The following RNF115 variants were observed in gnomAD, a reference collection of about 807,000 sequenced individuals.
RNF115 encodes E3 ubiquitin-protein ligase RNF115.
A neutral mutation model predicts 39.2 loss-of-function variants in RNF115; 31 were observed. The ratio of observed to expected loss-of-function variants is 0.79; its 90% confidence interval spans 0.59 to 1.07. The LOEUF is 1.07. Among genes scored for constraint, RNF115 ranks in the 50% least tolerant of loss-of-function variants. The pLI is 0.00. For synonymous variants in RNF115, 124 were observed against 131.0 expected (o/e 0.95, Z 0.37); for missense variants, 384 against 381.7 (o/e 1.01, Z -0.05).
At chr1:145,822,300 A>G (rs587754669) in intron 1 of RNF115, among the ~76,000 whole-genome samples, 2 of 141,570 alleles carry the variant, frequency 1.4e-5, no homozygotes, top group East Asian at 4.2e-4. Context: ...TGGGTGATAG[A>G]CAGAGGCTGT....
At chr1:145,758,956 G>A (rs1349670945) in intron 4 of RNF115, among the ~76,000 whole-genome samples, 1 of 152,214 alleles carries the variant, frequency 6.6e-6, no homozygotes, top group Non-Finnish European at 1.5e-5. Context: ...AGGGAAGGAA[G>A]ATAGTGTATA....
chr1:145,756,278 T>C (rs1379862394), intron 4 of RNF115, among the ~76,000 whole-genome samples: 1 of 152,006 alleles, frequency 6.6e-6, no homozygotes, highest in Non-Finnish European at 1.5e-5. Flanking sequence ...CTGGCCAACA[T>C]GGAGAAACCT....
intron 2 of RNF115, among the ~76,000 whole-genome samples, chr1:145,784,889 T>C (rs1648308933): frequency 6.6e-6 from 1 of 152,180 alleles, no homozygotes; most frequent in African/African-American, 2.4e-5. Flanking sequence ...GGATTTGACC[T>C]ATCAAAAGAC....
chr1:145,784,212 A>G (rs1437594565), intron 3 of RNF115, among the ~76,000 whole-genome samples: 1 of 152,240 alleles, frequency 6.6e-6, no homozygotes, highest in Non-Finnish European at 1.5e-5. Flanking sequence ...AGTCTGCAAC[A>G]CTGTTATTTC....
intron 3 of RNF115, among the ~76,000 whole-genome samples, chr1:145,780,121 G>A (rs1177276302): frequency 5.3e-5 from 8 of 151,830 alleles, no homozygotes; most frequent in Admixed American, 4.6e-4. Context: ...CAAGCTACTC[G>A]GGAGGCTGAG....
chr1:145,747,691 C>A (rs1490703027), intron 8 of RNF115, among the ~76,000 whole-genome samples: 1 of 152,116 alleles, frequency 6.6e-6, no homozygotes, highest in Non-Finnish European at 1.5e-5. Context: ...GCTTTGCAGG[C>A]CACACCACAG....
chr1:145,771,745 TTCC>T lies in RNF115; in HGVS notation c.391_393del (p.Gly131del), dbSNP rs1559113542. 3 of 1,614,138 alleles carry T rather than the reference TTCC, an allele frequency of 1.9e-6. No individual in the cohort carries two copies. The highest frequency in any genetic ancestry group is 1.1e-5 in the South Asian group (1 of 91,078). On this transcript the variant is annotated inframe_deletion, in exon 4 of 9. Transcript: ENST00000582693. ...GCTGGAGATCTGTCAGGACGAGAAC[TTCC>T]TCGAGATCTGTATCTCCGACCCAAT...
At chr1:145,751,963 C>T (rs1414468134) in intron 5 of RNF115, among the ~76,000 whole-genome samples, 1 of 152,152 alleles carries the variant, frequency 6.6e-6, no homozygotes. Context: ...AGAGAAGCAG[C>T]CATAGCAGTC....
At chr1:145,779,967 C>T (rs587636281) in intron 3 of RNF115, among the ~76,000 whole-genome samples, 7 of 152,056 alleles carry the variant, frequency 4.6e-5, no homozygotes, top group African/African-American at 1.7e-4. Context: ...GTGACTCAAG[C>T]CCGTAATCCC....
In RNF115 at chr1:145,760,495, G is replaced by A. The variant is rs143644238; in HGVS notation, c.429-7446C>T. 1.2e-3 allele frequency among the ~76,000 whole-genome samples: 181 copies of A among 152,244 alleles called. 1 individual carries two copies. The highest frequency in any genetic ancestry group is 2.3e-3 in the Non-Finnish European group (155 of 68,032). On this transcript the variant is annotated intron_variant, in intron 4 of 8. Transcript: ENST00000582693. ...GGGAGGTAATTGAATCATGGAGGCC[G>A]ATCTTTCCCATGCTATTCTCATGAC...
Position 145,811,932 on chromosome 1 carries a change from T to TATATATATATAC in RNF115, c.102+11839_102+11840insGTATATATATAT, listed in dbSNP as rs1465945929. Among the ~76,000 whole-genome samples the TATATATATATAC allele has an allele frequency of 1.5e-3, 115 of 74,452 alleles. 2 individuals are homozygous for TATATATATATAC. Among genetic ancestry groups the TATATATATATAC allele is most frequent in the Non-Finnish European group, 2.7e-3 (92 of 34,526 alleles). 48.8% of individuals were successfully genotyped at this position (74,452 alleles called of 152,430 possible). On this transcript the variant is annotated intron_variant, in intron 1 of 8. Coordinates refer to ENST00000582693, the MANE Select transcript of RNF115 (RefSeq NM_014455.4). ...AAATATATATATATATATATATATATACACACACACACATATATGTAGAAA... is the reference window on the plus strand; with the variant it reads ...AAATATATATATATATATATATATATATATATATATACACACACACACACATATATGTAGAAA...
chr1:145,814,798 G>A (rs1649906570), intron 1 of RNF115, among the ~76,000 whole-genome samples: 1 of 151,998 alleles, frequency 6.6e-6, no homozygotes, highest in Non-Finnish European at 1.5e-5. Flanking sequence ...CTACCTATAA[G>A]AATACATATT....
chr1:145,781,964 G>A (rs1316201823), intron 3 of RNF115, among the ~76,000 whole-genome samples: 1 of 147,646 alleles, frequency 6.8e-6, no homozygotes, highest in African/African-American at 2.5e-5. Flanking sequence ...GTCCAGTGGT[G>A]CAATCTCCGC....
At chr1:145,771,966 A>G (rs371222100) in intron 3 of RNF115, 47 bp from the exon 4 acceptor site, 9 of 1,466,418 alleles carry the variant, frequency 6.1e-6, no homozygotes, top group East Asian at 4.5e-5. Flanking sequence ...ATCAATCAAT[A>G]AACACCTGGA....
rs1251558607 is a variant in RNF115, at chr1:145,743,199, C to CAGT, written c.*3664_*3666dup. ...TTTTGGAAGAGACTAACATTTCAGT[C>CAGT]AGTAGACTGAATACAGCACATGGCC... On this transcript the variant is annotated 3_prime_UTR_variant, in exon 9 of 9. Transcript: ENST00000582693. 3.9e-5 allele frequency: 6 copies of CAGT among 152,296 alleles called. No homozygotes were observed. The East Asian group carries it at 1.2e-3, about 29-fold the overall frequency. 9.4% of individuals were successfully genotyped at this position (152,296 alleles called of 1,614,324 possible).
chr1:145,772,869 T>G (rs1276284734), intron 3 of RNF115: 4 of 152,206 alleles, frequency 2.6e-5, no homozygotes, highest in Admixed American at 6.5e-5. Flanking sequence ...CCCACACATC[T>G]CCTGGACTCT....
intron 3 of RNF115, among the ~76,000 whole-genome samples, chr1:145,783,921 C>G (rs587742917): frequency 1.3e-5 from 2 of 151,846 alleles, no homozygotes; most frequent in East Asian, 1.9e-4. Context: ...AAATGGTATT[C>G]AAGAATGAAG....
intron 3 of RNF115, among the ~76,000 whole-genome samples, chr1:145,783,269 C>T (rs1190473843): frequency 6.6e-6 from 1 of 152,160 alleles, no homozygotes; most frequent in African/African-American, 2.4e-5. Context: ...CCGGGCAGTT[C>T]AGAGTTAACC....
intron 2 of RNF115, among the ~76,000 whole-genome samples, chr1:145,788,128 CTT>C (rs1484399059): frequency 6.6e-6 from 1 of 152,058 alleles, no homozygotes; most frequent in Non-Finnish European, 1.5e-5. Context: ...CAGTTTCACT[CTT>C]GTTGCCCAGG....
Sources: allele counts gnomAD v4.1 joint callset (sites outside exome capture counted in the v4.1 genomes callset), GRCh38; gene constraint gnomAD v4.1.1; transcripts MANE v1.5; gene names NCBI Gene and HGNC (gene_info 2026-07-23, HGNC 2026-07-21).